SPTBN1: variants seen among roughly 807,000 people sequenced by gnomAD.
SPTBN1 encodes the protein spectrin beta, non-erythrocytic 1.
In SPTBN1, 32 loss-of-function variants were observed where a neutral mutation model predicts 266.4. That is an observed-to-expected ratio of 0.12 (90% CI 0.09 to 0.16). SPTBN1 has a LOEUF of 0.16. SPTBN1 is among the 10% of genes least tolerant of loss of function. SPTBN1 has a pLI of 1.00. For missense variants in SPTBN1, 2,296 were observed against 3,067.1 expected (o/e 0.75, Z 5.94); for synonymous variants, 1,336 against 1,162.2 (o/e 1.15, Z -3.04).
chr2:54,591,514 A>G (rs1324414125), intron 2 of SPTBN1, among the ~76,000 whole-genome samples: 1 of 152,236 alleles, frequency 6.6e-6, no homozygotes, highest in Non-Finnish European at 1.5e-5. Context: ...GGTTCAGACT[A>G]CTTGAAAAGT....
chr2:54,528,699 TAAA>T (rs10591541), intron 2 of SPTBN1: 52 of 142,364 alleles, frequency 3.7e-4, no homozygotes, highest in Non-Finnish European at 3.0e-4. Context: ...TTCAGTAAAG[TAAA>T]AAAAAAAAAA....
intron 1 of SPTBN1, among the ~76,000 whole-genome samples, chr2:54,499,258 T>C (rs1669129884): frequency 6.6e-6 from 1 of 152,010 alleles, no homozygotes; most frequent in African/African-American, 2.4e-5. Flanking sequence ...TAAGGAAAAG[T>C]TGGAAACTAA....
intron 1 of SPTBN1, among the ~76,000 whole-genome samples, chr2:54,483,108 G>A (rs541831572): frequency 3.9e-5 from 6 of 152,304 alleles, no homozygotes; most frequent in Admixed American, 1.3e-4. Context: ...GAAGGGAACC[G>A]AAGCCTGAGT....
intron 3 of SPTBN1, among the ~76,000 whole-genome samples, chr2:54,600,436 C>G (rs979863260): frequency 6.6e-6 from 1 of 151,856 alleles, no homozygotes; most frequent in African/African-American, 2.4e-5. Context: ...ACTAGACAAA[C>G]TAGACAAATA....
intron 27 of SPTBN1, among the ~76,000 whole-genome samples, chr2:54,654,271 A>G (rs146460003): frequency 3.3e-4 from 50 of 152,286 alleles, no homozygotes; most frequent in Non-Finnish European, 6.3e-4. Context: ...AGACCACTCT[A>G]TCCCTTTCCA....
Position 54,526,671 on chromosome 2 carries a change from C to T in SPTBN1, c.148+105C>T, listed in dbSNP as rs140284148. On this transcript the variant is annotated intron_variant, in intron 2 of 35. Coordinates refer to ENST00000356805, the MANE Select transcript of SPTBN1 (RefSeq NM_003128.3). ...TGACGCTGTCATGTTCGAAGGTTGT[C>T]TCACTTCTATTTAAATGTGTCCTTG... The T allele has an allele frequency of 4.9e-5, 66 of 1,359,800 alleles. No individual in the cohort carries two copies. In the African/African-American group the frequency reaches 7.9e-4, roughly 16 times the overall value. The allele number at this position is 1,359,800 out of a possible 1,614,324, so 84.2% of individuals were successfully genotyped here.
intron 2 of SPTBN1, among the ~76,000 whole-genome samples, chr2:54,584,459 T>G (rs1049912288): frequency 6.6e-6 from 1 of 152,252 alleles, no homozygotes; most frequent in Non-Finnish European, 1.5e-5. Context: ...AATTTTGATA[T>G]CACTACTTAC....
chr2:54,514,049 G>A (rs191130638), intron 1 of SPTBN1, among the ~76,000 whole-genome samples: 2 of 152,282 alleles, frequency 1.3e-5, no homozygotes, highest in East Asian at 3.9e-4. Context: ...TAGTAAAGAA[G>A]GATAAATTTC....
chr2:54,591,228 C>A (rs1675660145), intron 2 of SPTBN1, among the ~76,000 whole-genome samples: 2 of 152,154 alleles, frequency 1.3e-5, no homozygotes, highest in South Asian at 4.1e-4. Context: ...CTCACTAATA[C>A]TCTCAATTTC....
At chr2:54,615,350 A>C (rs1257130588) in intron 4 of SPTBN1, among the ~76,000 whole-genome samples, 4 of 151,874 alleles carry the variant, frequency 2.6e-5, no homozygotes, top group African/African-American at 7.3e-5. Flanking sequence ...CAATGGATGG[A>C]CTCCTGGCCA....
At chr2:54,499,801 G>C (rs949263820) in intron 1 of SPTBN1, among the ~76,000 whole-genome samples, 2 of 152,142 alleles carry the variant, frequency 1.3e-5, no homozygotes, top group Non-Finnish European at 2.9e-5. Context: ...TTTAGCCCAT[G>C]TTTCTCACTA....
intron 29 of SPTBN1, among the ~76,000 whole-genome samples, chr2:54,657,328 C>T (rs377591710): frequency 6.6e-6 from 1 of 152,184 alleles, no homozygotes; most frequent in Middle Eastern, 3.2e-3. Flanking sequence ...CATCTGGCTA[C>T]GTGTAGATTG....
chr2:54,481,391 A>AGTGAGT (rs1553431055), intron 1 of SPTBN1, among the ~76,000 whole-genome samples: 4 of 117,338 alleles, frequency 3.4e-5, no homozygotes, highest in African/African-American at 1.4e-4. Flanking sequence ...CAGAAACCTG[A>AGTGAGT]GTGTGTGTGT....
chr2:54,476,487 G>A (rs1667839990), intron 1 of SPTBN1, among the ~76,000 whole-genome samples: 1 of 152,218 alleles, frequency 6.6e-6, no homozygotes. Flanking sequence ...TCTGGAGAAT[G>A]CTGGGCTTAA....
chr2:54,561,380 C>T lies in SPTBN1; in HGVS notation c.148+34814C>T, dbSNP rs896827149. Among the ~76,000 whole-genome samples the T allele has an allele frequency of 7.2e-5, 11 of 152,310 alleles. No homozygotes were observed. The South Asian group carries it at 2.3e-3, about 32-fold the overall frequency. Reference sequence around the variant, plus strand: ...AACTCCTGGCCTCAAATGATCCTCCCGCCTTCACTTCCCAAAGTGTTGGGA... The same window carrying T: ...AACTCCTGGCCTCAAATGATCCTCCTGCCTTCACTTCCCAAAGTGTTGGGA... On this transcript the variant is annotated intron_variant, in intron 2 of 35. Coordinates refer to ENST00000356805, the MANE Select transcript of SPTBN1 (RefSeq NM_003128.3).
At chr2:54,621,561 T>G in intron 8 of SPTBN1, 49 bp downstream of exon 8, 1 of 1,463,582 alleles carries the variant, frequency 6.8e-7, no homozygotes, top group South Asian at 1.1e-5. Context: ...TAAGGTTAAT[T>G]GAGCCCTCAT....
intron 1 of SPTBN1, among the ~76,000 whole-genome samples, chr2:54,467,899 C>A (rs1693720650): frequency 2.6e-5 from 4 of 151,826 alleles, no homozygotes; most frequent in Admixed American, 2.6e-4. Context: ...TTTAAGATAT[C>A]TTTTTATTAC....
At chr2:54,501,707 G>C (rs1344964744) in intron 1 of SPTBN1, among the ~76,000 whole-genome samples, 1 of 152,158 alleles carries the variant, frequency 6.6e-6, no homozygotes, top group Non-Finnish European at 1.5e-5. Flanking sequence ...TGGCGGGTCA[G>C]GTTGATGGGA....
chr2:54,608,800 C>T (rs942283982), intron 3 of SPTBN1, among the ~76,000 whole-genome samples: 5 of 152,004 alleles, frequency 3.3e-5, no homozygotes, highest in Non-Finnish European at 7.4e-5. Context: ...GCATTTGATT[C>T]CCCCAAAACT....
Sources: allele counts gnomAD v4.1 joint callset (sites outside exome capture counted in the v4.1 genomes callset), GRCh38; gene constraint gnomAD v4.1.1; transcripts MANE v1.5; gene names NCBI Gene and HGNC (gene_info 2026-07-23, HGNC 2026-07-21).